MGST1: variants seen among roughly 807,000 people sequenced by gnomAD.
MGST1 encodes the protein microsomal glutathione S-transferase 1.
Under a neutral mutation model 8.9 loss-of-function variants are expected in MGST1, and 5 were observed. That is an observed-to-expected ratio of 0.56 (90% CI 0.29 to 1.19). The LOEUF is 1.19. Among genes scored for constraint, MGST1 ranks in the 50% most tolerant of loss-of-function variants. MGST1 has a pLI of 0.08. For synonymous variants in MGST1, 54 were observed against 67.8 expected (o/e 0.80, Z 1.00); for missense variants, 182 against 187.4 (o/e 0.97, Z 0.17).
intron 4 of MGST1, among the ~76,000 whole-genome samples, chr12:16,511,054 T>C (rs1267756091): frequency 6.6e-6 from 1 of 152,234 alleles, no homozygotes; most frequent in East Asian, 1.9e-4. Flanking sequence ...TTACAAAGGC[T>C]ATGTTTGTAT....
chr12:16,409,383 C>T (rs1940723076), intron 1 of MGST1, among the ~76,000 whole-genome samples: 1 of 152,012 alleles, frequency 6.6e-6, no homozygotes, highest in African/African-American at 2.4e-5. Context: ...GCCTTTATTA[C>T]CCACAAAGTA....
intron 4 of MGST1, among the ~76,000 whole-genome samples, chr12:16,567,245 C>T (rs1348941468): frequency 1.3e-5 from 2 of 152,058 alleles, no homozygotes; most frequent in Non-Finnish European, 2.9e-5. Flanking sequence ...CAACTTGGTA[C>T]CTGAAATCCC....
rs1591696851 is a variant in MGST1 at position 16,357,819 on chromosome 12, A to T, written c.221+120A>T. The T allele has an allele frequency of 1.2e-5, 8 of 684,014 alleles. No individual in the cohort carries two copies. The East Asian group carries it at 2.2e-4, about 19-fold the overall frequency. The allele number at this position is 684,014 out of a possible 1,614,324, so 42.4% of individuals were successfully genotyped here. A position where few individuals can be genotyped will look rare whatever the true frequency, so the allele number is the denominator to read the frequency against. The stretch of plus-strand genomic sequence containing the variant: ...AAAAGTGAGACCTCTTACCTACTCC[A>T]CATGACAATTACAGAAAACTGGATG... On this transcript the variant is annotated intron_variant, in intron 3 of 3. Coordinates refer to ENST00000396210, the MANE Select transcript of MGST1 (RefSeq NM_020300.5).
At chr12:16,509,488 C>T (rs775328762) in intron 4 of MGST1, among the ~76,000 whole-genome samples, 1 of 152,172 alleles carries the variant, frequency 6.6e-6, no homozygotes, top group Non-Finnish European at 1.5e-5. Flanking sequence ...TAGCTTTAGT[C>T]ATGCACAACT....
rs1942996446 is a variant in MGST1 at position 16,576,367 on chromosome 12, T to C, written n.483-13161T>C. Among the ~76,000 whole-genome samples the C allele has an allele frequency of 6.6e-6, 1 of 152,180 alleles. No individual in the cohort carries two copies. The highest frequency in any genetic ancestry group is 2.4e-5 in the African/African-American group (1 of 41,448). ...TACTCCCTGGACTCAGCATCTACTT[T>C]CACACCTGATGTCCTACCACTCCTG... On this transcript the variant is annotated intron_variant and non_coding_transcript_variant, in intron 4 of 4. Transcript: ENST00000538857. This position sits in a 1 kb window ranked among gnomAD's most constrained non-coding sequence, Gnocchi z 4.1.
chr12:16,350,668 G>A (rs1939419002), intron 1 of MGST1: 1 of 152,186 alleles, frequency 6.6e-6, no homozygotes, highest in Non-Finnish European at 1.5e-5. Flanking sequence ...GTTTACAACA[G>A]CATTGCCTTA....
intron 4 of MGST1, among the ~76,000 whole-genome samples, chr12:16,491,054 A>C (rs2058793): frequency 0.011 from 1,691 of 152,264 alleles, 25 homozygotes; most frequent in African/African-American, 0.038. Context: ...GATTTAATCA[A>C]ATTCTCTCGA....
downstream of MGST1, among the ~76,000 whole-genome samples, chr12:16,590,913 G>T (rs574119832): frequency 6.6e-6 from 1 of 151,988 alleles, no homozygotes; most frequent in East Asian, 1.9e-4. Flanking sequence ...ATCACACAGG[G>T]TCATCAATGG....
chr12:16,365,037 T>C (rs1005770260), downstream of MGST1, among the ~76,000 whole-genome samples: 34 of 152,214 alleles, frequency 2.2e-4, no homozygotes, highest in African/African-American at 8.0e-4. Flanking sequence ...AACAGGCATA[T>C]GATATCAGTT....
intron 4 of MGST1, among the ~76,000 whole-genome samples, chr12:16,463,154 G>T (rs1048111378): frequency 1.6e-4 from 25 of 151,974 alleles, no homozygotes; most frequent in Non-Finnish European, 2.1e-4. Context: ...GACTAATACT[G>T]CTTACCTCTC....
At chr12:16,404,236 A>G (rs1198981564) in intron 1 of MGST1, among the ~76,000 whole-genome samples, 1 of 152,202 alleles carries the variant, frequency 6.6e-6, no homozygotes, top group Non-Finnish European at 1.5e-5. Context: ...TCTATCTTGT[A>G]TAATATTAAT....
intron 4 of MGST1, among the ~76,000 whole-genome samples, chr12:16,532,788 T>C (rs1011996317): frequency 9.2e-5 from 14 of 152,138 alleles, no homozygotes; most frequent in African/African-American, 3.1e-4. Flanking sequence ...TTTCATGTAA[T>C]GCATTTTTTT....
Position 16,513,135 on chromosome 12 carries a change from T to C in MGST1, n.483-76393T>C, listed in dbSNP as rs545289170. 6.6e-6 allele frequency among the ~76,000 whole-genome samples: 1 copy of C among 152,344 alleles called. No individual in the cohort carries two copies. The highest frequency in any genetic ancestry group is 1.9e-4 in the East Asian group (1 of 5,192). ...ATGTGTATATATACAGATACACATA[T>C]ACATAAACATACATATAACTTAATC... On this transcript the variant is annotated intron_variant and non_coding_transcript_variant, in intron 4 of 4. Coordinates refer to the MGST1 transcript ENST00000538857. This position sits in a 1 kb window ranked among gnomAD's most constrained non-coding sequence, Gnocchi z 4.2.
At position 16,429,498 on chromosome 12, in the gene MGST1, C is replaced by CTT. The variant is rs76427522; in HGVS notation, n.779-7883_779-7882dup. ...TATCTTTTGATTCCTGCTAGTCATC[C>CTT]TTTTTTTTAATTACAAGCATACCTC... On this transcript the variant is annotated intron_variant and non_coding_transcript_variant, in intron 1 of 1. Transcript: ENST00000359720. 4.6e-5 allele frequency among the ~76,000 whole-genome samples: 7 copies of CTT among 151,310 alleles called. No individual in the cohort carries two copies. The South Asian group carries it at 6.3e-4, about 14-fold the overall frequency.
intron 4 of MGST1, among the ~76,000 whole-genome samples, chr12:16,472,832 G>T (rs116414209): frequency 0.014 from 2,089 of 152,160 alleles, 52 homozygotes; most frequent in African/African-American, 0.047. Flanking sequence ...CAAAAGGAGA[G>T]GCAGGGAAAA....
chr12:16,387,471 C>T (rs947777951), intron 1 of MGST1, among the ~76,000 whole-genome samples: 5 of 152,084 alleles, frequency 3.3e-5, no homozygotes, highest in South Asian at 2.1e-4. Flanking sequence ...CTGACTCACC[C>T]ACAGTGACTT....
At position 16,401,404 on chromosome 12, in the gene MGST1, A is replaced by T. The variant is rs771956577; in HGVS notation, n.778+17800A>T. The T allele has an allele frequency of 9.9e-7, 1 of 1,012,192 alleles. No individual in the cohort carries two copies. Among genetic ancestry groups the T allele is most frequent in the Non-Finnish European group, 1.6e-6 (1 of 636,320 alleles). The allele number at this position is 1,012,192 out of a possible 1,614,324, so 62.7% of individuals were successfully genotyped here. On this transcript the variant is annotated intron_variant and non_coding_transcript_variant, in intron 1 of 1. Coordinates refer to the MGST1 transcript ENST00000359720. The surrounding 1 kb of genome is among the most constrained non-coding windows in gnomAD (Gnocchi z 4.3). Reference sequence around the variant, plus strand: ...TAGGTTTCTGGTAATTTTGTTCAGGAGTTCTGGCTTCTGCTTTTTAGCCAC... The same window carrying T: ...TAGGTTTCTGGTAATTTTGTTCAGGTGTTCTGGCTTCTGCTTTTTAGCCAC...
rs1490141267 is a variant in MGST1 at position 16,589,079 on chromosome 12, A to T, written n.483-449A>T. Among the ~76,000 whole-genome samples, 1 of 148,868 alleles carries T rather than the reference A, an allele frequency of 6.7e-6. No individual in the cohort carries two copies. Among genetic ancestry groups the T allele is most frequent in the Non-Finnish European group, 1.5e-5 (1 of 66,694 alleles). On this transcript the variant is annotated intron_variant and non_coding_transcript_variant, in intron 4 of 4. Transcript: ENST00000538857. This position sits in a 1 kb window ranked among gnomAD's most constrained non-coding sequence, Gnocchi z 4.2. The stretch of plus-strand genomic sequence containing the variant: ...GGTGTAGCAGAAGGGGGTCGACGTC[A>T]GGTCTGGATACCTCACCGTGATGCA...
intron 4 of MGST1, among the ~76,000 whole-genome samples, chr12:16,494,674 TC>T (rs1941459120): frequency 6.6e-6 from 1 of 152,176 alleles, no homozygotes; most frequent in South Asian, 2.1e-4. Flanking sequence ...GGAGCAAGTT[TC>T]CTGTTGGAAG....
Sources: allele counts gnomAD v4.1 joint callset (sites outside exome capture counted in the v4.1 genomes callset), GRCh38; gene constraint gnomAD v4.1.1; non-coding constraint Gnocchi (gnomAD v3.1); transcripts MANE v1.5; gene names NCBI Gene and HGNC (gene_info 2026-07-23, HGNC 2026-07-21).